The following CPXM2 variants were observed in gnomAD, a reference collection of about 807,000 sequenced individuals.
The protein encoded by CPXM2 is carboxypeptidase X, M14 family member 2.
In CPXM2, 66 loss-of-function variants were observed where a neutral mutation model predicts 86.1. That is an observed-to-expected ratio of 0.77 (90% CI 0.63 to 0.94). The LOEUF (loss-of-function observed/expected upper bound fraction) is 0.94, where lower values mean the gene tolerates loss of function less well. Among genes scored for constraint, CPXM2 ranks in the 40% least tolerant of loss-of-function variants. CPXM2 has a pLI of 0.00. For missense variants in CPXM2, 948 were observed against 1,026.3 expected (o/e 0.92, Z 1.04); for synonymous variants, 388 against 400.2 (o/e 0.97, Z 0.36).
chr10:123,768,738 G>T lies in CPXM2; in HGVS notation c.1103-16C>A. ...TCGGGCTCACCTTTACTCAAAGACAGAGAGAAGCACAGGTTCACGTTGAAA... is the reference window on the plus strand; with the variant it reads ...TCGGGCTCACCTTTACTCAAAGACATAGAGAAGCACAGGTTCACGTTGAAA... On this transcript the variant is annotated splice_polypyrimidine_tract_variant and intron_variant, in intron 8 of 13. Coordinates refer to ENST00000241305, the MANE Select transcript of CPXM2 (RefSeq NM_198148.3). 1 of 1,604,164 alleles carries T rather than the reference G, an allele frequency of 6.2e-7. No individual in the cohort carries two copies.
At chr10:123,937,877 C>T (rs1468834652) in intron 2 of CPXM2, among the ~76,000 whole-genome samples, 1 of 152,110 alleles carries the variant, frequency 6.6e-6, no homozygotes, top group Non-Finnish European at 1.5e-5. Context: ...GTCCCCTGCA[C>T]CCACAGTGAC....
In CPXM2 at chr10:123,832,241, G is replaced by T. The variant is rs115480894; in HGVS notation, c.653+10108C>A. Among the ~76,000 whole-genome samples, 873 of 152,264 alleles carry T rather than the reference G, an allele frequency of 5.7e-3. 11 individuals carry two copies. Among genetic ancestry groups the T allele is most frequent in the African/African-American group, 0.02 (827 of 41,524 alleles). ...CCCAGGAACTGCATCTCCTGCATCT[G>T]AACGGTAAGTCAGCCCTGGGGGAGC... On this transcript the variant is annotated intron_variant, in intron 4 of 13. Transcript: ENST00000241305.
chr10:123,854,374 AATATATATATAAT>A (rs1460262301), intron 3 of CPXM2, among the ~76,000 whole-genome samples: 3 of 83,084 alleles, frequency 3.6e-5, no homozygotes, highest in African/African-American at 1.1e-4. Context: ...ATATATATAT[AATATATATATAAT>A]ATATATATTA....
intron 2 of CPXM2, among the ~76,000 whole-genome samples, chr10:123,914,563 C>T (rs72829727): frequency 0.1 from 15,768 of 152,214 alleles, 936 homozygotes; most frequent in African/African-American, 0.1. Context: ...CCCCATTTTC[C>T]TTCCCAGATT....
chr10:123,849,844 A>G (rs1027560209), intron 3 of CPXM2, among the ~76,000 whole-genome samples: 1 of 152,216 alleles, frequency 6.6e-6, no homozygotes, highest in Non-Finnish European at 1.5e-5. Context: ...AGCTCAACCA[A>G]TTTTGACAAA....
upstream of CPXM2, among the ~76,000 whole-genome samples, chr10:123,942,348 G>A (rs1258306712): frequency 3.3e-5 from 5 of 152,130 alleles, no homozygotes; most frequent in African/African-American, 7.2e-5. Flanking sequence ...AACCTACGAT[G>A]TCACAGGATG....
rs1564772776 is a variant in CPXM2, at chr10:123,794,770, C to CGT, written c.889+3205_889+3206insAC. Among the ~76,000 whole-genome samples the CGT allele has an allele frequency of 3.8e-5, 5 of 132,710 alleles. No homozygotes were observed. The South Asian group carries it at 7.6e-4, about 20-fold the overall frequency. 87.1% of individuals were successfully genotyped at this position (132,710 alleles called of 152,430 possible). A position where few individuals can be genotyped will look rare whatever the true frequency, so the allele number is the denominator to read the frequency against. ...GTGTGTGTGTGTGTGTGTGTGTGTG[C>CGT]GCATGTGTGTGTGTATTTGAGACAG... On this transcript the variant is annotated intron_variant, in intron 6 of 13. Coordinates refer to ENST00000241305, the MANE Select transcript of CPXM2 (RefSeq NM_198148.3).
In CPXM2 at chr10:123,794,567, G is replaced by A. The variant is rs375545289; in HGVS notation, c.889+3409C>T. ...AGTCAGCTGGCACAGTTCTTAACTC[G>A]CTTTTTTTTATTGTTAAAATTTTAT... On this transcript the variant is annotated intron_variant, in intron 6 of 13. Transcript: ENST00000241305. Among the ~76,000 whole-genome samples, 195 of 152,122 alleles carry A rather than the reference G, an allele frequency of 1.3e-3. 3 individuals are homozygous for A. The Middle Eastern group carries it at 0.017, about 13-fold the overall frequency.
intron 6 of CPXM2, among the ~76,000 whole-genome samples, chr10:123,788,715 G>A (rs1847129912): frequency 6.6e-6 from 1 of 152,184 alleles, no homozygotes; most frequent in Admixed American, 6.5e-5. Context: ...TGAGAGCAGG[G>A]AACCTGCTCT....
intron 6 of CPXM2, among the ~76,000 whole-genome samples, chr10:123,786,015 A>T (rs995094532): frequency 4.7e-4 from 72 of 152,306 alleles, no homozygotes; most frequent in African/African-American, 1.6e-3. Flanking sequence ...TTAATTATTA[A>T]TTGATCAGCT....
At chr10:123,782,322 G>A (rs922715072) in intron 6 of CPXM2, among the ~76,000 whole-genome samples, 19 of 152,196 alleles carry the variant, frequency 1.2e-4, no homozygotes, top group East Asian at 3.9e-4. Context: ...CCTCGGGGGC[G>A]TCTTTTCAAA....
At chr10:123,796,148 C>T (rs1564773415) in intron 6 of CPXM2, among the ~76,000 whole-genome samples, 1 of 152,324 alleles carries the variant, frequency 6.6e-6, no homozygotes, top group East Asian at 1.9e-4. Context: ...ACCAGCCCGC[C>T]ACAGAAGGAG....
intron 4 of CPXM2, among the ~76,000 whole-genome samples, chr10:123,812,671 TC>T (rs1328888508): frequency 2.6e-5 from 4 of 152,174 alleles, no homozygotes; most frequent in Admixed American, 6.5e-5. Flanking sequence ...CGACCTACTG[TC>T]AGATCAGCGG....
At chr10:123,924,453 T>C (rs571375029) in intron 2 of CPXM2, among the ~76,000 whole-genome samples, 1 of 152,296 alleles carries the variant, frequency 6.6e-6, no homozygotes, top group Non-Finnish European at 1.5e-5. Flanking sequence ...TGCTTTATTA[T>C]AAAGTCTATG....
intron 4 of CPXM2, among the ~76,000 whole-genome samples, chr10:123,814,689 A>G (rs576048525): frequency 2.5e-4 from 38 of 152,150 alleles, no homozygotes; most frequent in Non-Finnish European, 5.6e-4. Flanking sequence ...TTCTAATAGT[A>G]TGGACAACAC....
chr10:123,799,005 G>A, intron 5 of CPXM2, 110 bp downstream of exon 5: 4 of 1,278,880 alleles, frequency 3.1e-6, no homozygotes, highest in South Asian at 1.3e-5. Context: ...GTAGGTTTGA[G>A]TTGACAGAGA....
At chr10:123,850,717 G>T (rs569107560) in intron 3 of CPXM2, among the ~76,000 whole-genome samples, 1 of 152,290 alleles carries the variant, frequency 6.6e-6, no homozygotes, top group African/African-American at 2.4e-5. Flanking sequence ...AAGATGAAAG[G>T]TCTCAACTTA....
chr10:123,753,509 C>A (rs952394207), intron 13 of CPXM2, among the ~76,000 whole-genome samples: 3 of 152,318 alleles, frequency 2.0e-5, no homozygotes, highest in Admixed American at 1.3e-4. Context: ...CACTGCCCTC[C>A]TTGAGCTTCT....
At chr10:123,758,047 C>T (rs1014131228) in intron 11 of CPXM2, among the ~76,000 whole-genome samples, 4 of 152,086 alleles carry the variant, frequency 2.6e-5, no homozygotes, top group African/African-American at 9.7e-5. Flanking sequence ...CCGAATAGAC[C>T]ATCGCTGCTT....
Sources: allele counts gnomAD v4.1 joint callset (sites outside exome capture counted in the v4.1 genomes callset), GRCh38; gene constraint gnomAD v4.1.1; transcripts MANE v1.5; gene names NCBI Gene and HGNC (gene_info 2026-07-23, HGNC 2026-07-21).